The following CMAS variants were observed in gnomAD, a reference collection of about 807,000 sequenced individuals.
The protein encoded by CMAS is N-acylneuraminate cytidylyltransferase.
Under a neutral mutation model 53.4 loss-of-function variants are expected in CMAS, and 21 were observed. The observed-to-expected ratio is 0.39, with a 90% CI of 0.28 to 0.57. The LOEUF is 0.57. Ranked by LOEUF, CMAS falls within the 20% of genes least tolerant of loss-of-function variation. The pLI is 0.56. For missense variants in CMAS, 384 were observed against 534.9 expected (o/e 0.72, Z 2.78); for synonymous variants, 189 against 195.2 (o/e 0.97, Z 0.27).
intron 1 of CMAS, among the ~76,000 whole-genome samples, chr12:22,051,659 G>A (rs1950240037): frequency 6.6e-6 from 1 of 152,114 alleles, no homozygotes; most frequent in African/African-American, 2.4e-5. Flanking sequence ...CATAGGTTAT[G>A]ATCATAGTAT....
chr12:22,065,379 A>T lies in CMAS; in HGVS notation c.*68A>T. 8.1e-7 allele frequency: 1 copy of T among 1,229,714 alleles called. No individual in the cohort carries two copies. Among genetic ancestry groups the T allele is most frequent in the South Asian group, 1.3e-5 (1 of 74,118 alleles). The allele number at this position is 1,229,714 out of a possible 1,614,324, so 76.2% of individuals were successfully genotyped here. ...AGCCAGTTTGCTTTTATTTTTGATT[A>T]AGTAAATTCCATGTTGTAATGTTAC... On this transcript the variant is annotated 3_prime_UTR_variant, in exon 8 of 8. Coordinates refer to ENST00000229329, the MANE Select transcript of CMAS (RefSeq NM_018686.6).
In CMAS at chr12:22,055,457, G is replaced by A. The variant is rs1055553501; in HGVS notation, c.406G>A (p.Val136Ile). ...IIEFLNYHNE[V>I]DIVGNIQATS... is the part of the protein sequence containing the mutation. The stretch of plus-strand genomic sequence containing the variant: ...TTCATTTCTCTTGTCTTTTTAAGAG[G>A]TTGACATTGTAGGAAATATTCAAGC... The change falls in exon 3 of 8, where the codon GTT becomes ATT. Residue 136 changes from valine (V) to isoleucine (I), a missense_variant and splice_region_variant. Around this residue, in one of 3 missense-constraint regions of CMAS, gnomAD observed 139 missense variants for 248.0 expected, o/e 0.56. Coordinates refer to ENST00000229329, the MANE Select transcript of CMAS (RefSeq NM_018686.6). The A allele has an allele frequency of 1.9e-6, 3 of 1,583,784 alleles. No homozygotes were observed. Among genetic ancestry groups the A allele is most frequent in the African/African-American group, 2.7e-5 (2 of 72,996 alleles).
chr12:22,048,041 A>T lies in CMAS; in HGVS notation c.260+1478A>T, dbSNP rs990549745. Among the ~76,000 whole-genome samples, 4 of 152,204 alleles carry T rather than the reference A, an allele frequency of 2.6e-5. No homozygotes were observed. In the East Asian group the frequency reaches 5.8e-4, roughly 22 times the overall value. On this transcript the variant is annotated intron_variant, in intron 1 of 7. Coordinates refer to ENST00000229329, the MANE Select transcript of CMAS (RefSeq NM_018686.6). Reference sequence around the variant, plus strand: ...CCTGTTCAAACTGGCATAACAAAAGAGGGAAAGGCTTATTAAGGTACAGTC... The same window carrying T: ...CCTGTTCAAACTGGCATAACAAAAGTGGGAAAGGCTTATTAAGGTACAGTC...
intron 7 of CMAS, 39 bp downstream of exon 7, chr12:22,062,473 GGAAT>G (rs1162428025): frequency 7.6e-6 from 12 of 1,572,018 alleles, no homozygotes; most frequent in Non-Finnish European, 1.0e-5. Flanking sequence ...AAATGGACCA[GGAAT>G]TAATTATTTA....
At chr12:22,064,194 T>G (rs137860425) in intron 7 of CMAS, among the ~76,000 whole-genome samples, 105 of 152,222 alleles carry the variant, frequency 6.9e-4, no homozygotes, top group Middle Eastern at 3.4e-3. Flanking sequence ...GATTGTACTA[T>G]TGTATGTGGT....
At chr12:22,051,584 T>C (rs944349438) in intron 1 of CMAS, among the ~76,000 whole-genome samples, 3 of 152,210 alleles carry the variant, frequency 2.0e-5, no homozygotes, top group Admixed American at 6.5e-5. Flanking sequence ...CTTGCTCATT[T>C]TCTCTTTTGC....
At chr12:22,060,367 C>T (rs7979140) in intron 4 of CMAS, among the ~76,000 whole-genome samples, 15,461 of 84,916 alleles carry the variant, frequency 0.18, 1,532 homozygotes, top group East Asian at 0.6. Context: ...AAAAGCTGGG[C>T]GTGGTGGCTG....
Position 22,046,228 on chromosome 12 carries a change from C to T in CMAS, c.-76C>T, listed in dbSNP as rs1356643212. 3.4e-5 allele frequency: 46 copies of T among 1,337,574 alleles called. No individual in the cohort carries two copies. The highest frequency in any genetic ancestry group is 4.3e-5 in the Non-Finnish European group (44 of 1,031,058). The allele number at this position is 1,337,574 out of a possible 1,614,324, so 82.9% of individuals were successfully genotyped here. A position where few individuals can be genotyped will look rare whatever the true frequency, so the allele number is the denominator to read the frequency against. ...CGCGCGCCAGCTGCCAGGCGGGGATCGGGCGGCGCCGAGCTGAGGTGGTGA... is the reference window on the plus strand; with the variant it reads ...CGCGCGCCAGCTGCCAGGCGGGGATTGGGCGGCGCCGAGCTGAGGTGGTGA... On this transcript the variant is annotated 5_prime_UTR_variant, in exon 1 of 8. Coordinates refer to ENST00000229329, the MANE Select transcript of CMAS (RefSeq NM_018686.6).
chr12:22,050,286 T>C (rs765402170), intron 1 of CMAS, among the ~76,000 whole-genome samples: 2 of 152,218 alleles, frequency 1.3e-5, no homozygotes, highest in African/African-American at 2.4e-5. Context: ...TCGCTTAACC[T>C]CTCTGTGCCT....
At position 22,060,739 on chromosome 12, in the gene CMAS, A is replaced by G. The variant is rs1161448108; in HGVS notation, c.694-93A>G. On this transcript the variant is annotated intron_variant, in intron 4 of 7. Transcript: ENST00000229329. ...GGTTATTCATTTTTCTCAGTACTGTAGAAATGAATTCATTGTTCTGTATTA... is the reference window on the plus strand; with the variant it reads ...GGTTATTCATTTTTCTCAGTACTGTGGAAATGAATTCATTGTTCTGTATTA... 10 of 740,422 alleles carry G rather than the reference A, an allele frequency of 1.4e-5. No individual in the cohort carries two copies. In the Admixed American group the frequency reaches 2.0e-4, roughly 15 times the overall value. 45.9% of individuals were successfully genotyped at this position (740,422 alleles called of 1,614,324 possible). A position where few individuals can be genotyped will look rare whatever the true frequency, so the allele number is the denominator to read the frequency against.
chr12:22,047,760 A>G (rs926699626), intron 1 of CMAS, among the ~76,000 whole-genome samples: 4 of 152,158 alleles, frequency 2.6e-5, no homozygotes, highest in African/African-American at 9.7e-5. Flanking sequence ...TCTGCTATAC[A>G]TGTCCAAGGG....
At chr12:22,064,278 C>CAAA (rs1366315582) in intron 7 of CMAS, among the ~76,000 whole-genome samples, 1 of 151,462 alleles carries the variant, frequency 6.6e-6, no homozygotes, top group Non-Finnish European at 1.5e-5. Flanking sequence ...CATCCTATTC[C>CAAA]AAAAAAGGGG....
chr12:22,047,730 C>T (rs547631578), intron 1 of CMAS, among the ~76,000 whole-genome samples: 1 of 152,080 alleles, frequency 6.6e-6, no homozygotes, highest in African/African-American at 2.4e-5. Flanking sequence ...AATTCAGTAG[C>T]TATTTACTGA....
intron 3 of CMAS, among the ~76,000 whole-genome samples, chr12:22,056,556 C>G (rs1385856612): frequency 1.3e-5 from 2 of 152,176 alleles, no homozygotes; most frequent in African/African-American, 2.4e-5. Context: ...GTGTTACTGA[C>G]ACTCACACCC....
intron 1 of CMAS, among the ~76,000 whole-genome samples, chr12:22,049,678 G>A (rs1051068106): frequency 2.0e-5 from 3 of 152,154 alleles, no homozygotes; most frequent in Non-Finnish European, 2.9e-5. Context: ...TTAGGAGGCC[G>A]AAGGCAGGCG....
At position 22,060,827 on chromosome 12, in the gene CMAS, T is replaced by C. The variant is rs1295180806; in HGVS notation, c.694-5T>C. On this transcript the variant is annotated splice_polypyrimidine_tract_variant and splice_region_variant and intron_variant, in intron 4 of 7. Transcript: ENST00000229329. ...CAGTATTCATGACATTTATACTACCTTTAGGGTGGAAAAATGGCATACTAC... is the reference window on the plus strand; with the variant it reads ...CAGTATTCATGACATTTATACTACCCTTAGGGTGGAAAAATGGCATACTAC... 1 of 1,570,584 alleles carries C rather than the reference T, an allele frequency of 6.4e-7. No homozygotes were observed. Among genetic ancestry groups the C allele is most frequent in the East Asian group, 2.3e-5 (1 of 44,328 alleles).
Position 22,060,872 on chromosome 12 carries a change from GTGTGGATATAGA to G in CMAS, c.744_755del (p.Val250_Asp253del). 1 of 1,612,436 alleles carries G rather than the reference GTGTGGATATAGA, an allele frequency of 6.2e-7. No homozygotes were observed. Among genetic ancestry groups the G allele is most frequent in the Non-Finnish European group, 8.5e-7 (1 of 1,178,740 alleles). The stretch of plus-strand genomic sequence containing the variant: ...TACTACGAAATGCGAGCTGAACATA[GTGTGGATATAGA>G]TGTGGATATTGATTGGCCTATTGCA... On this transcript the variant is annotated inframe_deletion, in exon 5 of 8. Transcript: ENST00000229329.
Position 22,055,256 on chromosome 12 carries a change from T to A in CMAS, c.368T>A (p.Leu123Gln). Reference protein sequence around the residue: ...SEVSKDSSTSLDAIIEFLNYH... With the variant: ...SEVSKDSSTSQDAIIEFLNYH... ...GTTTCAAAAGACAGCTCTACCTCACTAGATGCCATCATAGAATTTCTTAAT... is the reference window on the plus strand; with the variant it reads ...GTTTCAAAAGACAGCTCTACCTCACAAGATGCCATCATAGAATTTCTTAAT... The change falls in exon 2 of 8, where the codon CTA becomes CAA. Residue 123 changes from leucine to glutamine, a missense_variant. Leu to Gln is a moderately radical substitution (Grantham distance 113). This residue lies in a region of CMAS where 139 missense variants were observed against 248.0 expected (regional missense o/e 0.56). Coordinates refer to ENST00000229329, the MANE Select transcript of CMAS (RefSeq NM_018686.6). 2 of 1,608,632 alleles carry A rather than the reference T, an allele frequency of 1.2e-6. No homozygotes were observed. Among genetic ancestry groups the A allele is most frequent in the Non-Finnish European group, 1.7e-6 (2 of 1,176,014 alleles).
At chr12:22,049,618 C>T (rs1950227574) in intron 1 of CMAS, among the ~76,000 whole-genome samples, 1 of 152,128 alleles carries the variant, frequency 6.6e-6, no homozygotes, top group Non-Finnish European at 1.5e-5. Context: ...TCAATGGTGG[C>T]GATTAGAAGA....
Sources: allele counts gnomAD v4.1 joint callset (sites outside exome capture counted in the v4.1 genomes callset), GRCh38; gene constraint gnomAD v4.1.1; regional missense constraint gnomAD v4.1.1; transcripts MANE v1.5; gene names NCBI Gene and HGNC (gene_info 2026-07-23, HGNC 2026-07-21).